LASP1: variants seen among roughly 807,000 people sequenced by gnomAD.
LASP1 encodes LIM and SH3 domain protein 1.
LASP1 carries 10 observed loss-of-function variants against 38.6 expected under a neutral mutation model. The ratio of observed to expected loss-of-function variants is 0.26; its 90% CI spans 0.16 to 0.44. The LOEUF (loss-of-function observed/expected upper bound fraction) is 0.44. LASP1 is among the 20% of genes least tolerant of loss of function. The pLI is 1.00. For missense variants in LASP1, 243 were observed against 375.7 expected (o/e 0.65, Z 2.92); for synonymous variants, 132 against 140.8 (o/e 0.94, Z 0.44).
At chr17:38,888,401 C>T (rs542516396) in intron 2 of LASP1, among the ~76,000 whole-genome samples, 2 of 152,236 alleles carry the variant, frequency 1.3e-5, no homozygotes, top group African/African-American at 4.8e-5. Context: ...CCTCAGCCTC[C>T]TGAGTAGCTG....
chr17:38,902,234 T>TC, intron 4 of LASP1, among the ~76,000 whole-genome samples: 1 of 151,810 alleles, frequency 6.6e-6, no homozygotes, highest in East Asian at 1.9e-4. Context: ...CTAATTTTTC[T>TC]TTTTTTTGCA....
chr17:38,896,301 A>G (rs563506410), intron 3 of LASP1, among the ~76,000 whole-genome samples: 50 of 152,218 alleles, frequency 3.3e-4, no homozygotes, highest in Non-Finnish European at 5.9e-4. Context: ...GATTTTAGAG[A>G]TCAGCTAGCC....
At chr17:38,913,670 G>A (rs532317020) in intron 4 of LASP1, among the ~76,000 whole-genome samples, 15 of 152,198 alleles carry the variant, frequency 9.9e-5, no homozygotes, top group African/African-American at 3.6e-4. Context: ...GGACCCAGGC[G>A]GAAACAGAGC....
rs1375072883 is a variant in LASP1 at position 38,918,350 on chromosome 17, G to A, written c.613-255G>A. ...CCTTACTGCAGTCCTGTTCAGGGAG[G>A]TGGGGCAGAGCTGATGTGACCCGGT... On this transcript the variant is annotated intron_variant, in intron 6 of 6. Transcript: ENST00000318008. This position sits in a 1 kb window ranked among gnomAD's most constrained non-coding sequence, Gnocchi z 4.4. Among the ~76,000 whole-genome samples, 2 of 152,178 alleles carry A rather than the reference G, an allele frequency of 1.3e-5. No individual in the cohort carries two copies. Among genetic ancestry groups the A allele is most frequent in the East Asian group, 3.9e-4 (2 of 5,184 alleles).
intron 1 of LASP1, among the ~76,000 whole-genome samples, chr17:38,877,691 A>AG (rs2143733220): frequency 1.3e-5 from 2 of 152,226 alleles, no homozygotes; most frequent in South Asian, 4.1e-4. Context: ...CTTCATGTTC[A>AG]GCGGCTGCTC....
chr17:38,918,649 C>T lies in LASP1; in HGVS notation c.657C>T (p.Asp219=), dbSNP rs940196379. 1.9e-6 allele frequency: 3 copies of T among 1,611,632 alleles called. No individual in the cohort carries two copies. The highest frequency in any genetic ancestry group is 2.5e-6 in the Non-Finnish European group (3 of 1,178,404). The change falls in exon 7 of 7, where the codon GAC becomes GAT. Residue 219 remains aspartate (D), a synonymous_variant. Coordinates refer to ENST00000318008, the MANE Select transcript of LASP1 (RefSeq NM_006148.4). This position sits in a 1 kb window ranked among gnomAD's most constrained non-coding sequence, Gnocchi z 4.4. ...ATGACTACAGCGCCGCCGACGAGGACGAGGTCTCCTTCCAGGACGGGGACA... is the reference window on the plus strand; with the variant it reads ...ATGACTACAGCGCCGCCGACGAGGATGAGGTCTCCTTCCAGGACGGGGACA... ...AVYDYSAADE[D]EVSFQDGDTI...
At chr17:38,870,428 CAGG>C (rs544833805) in intron 1 of LASP1, among the ~76,000 whole-genome samples, 170 bp downstream of exon 1, 128 of 152,344 alleles carry the variant, frequency 8.4e-4, no homozygotes, top group African/African-American at 2.9e-3. Flanking sequence ...GTCTGAAAAC[CAGG>C]AGATCTGGGG....
intron 4 of LASP1, chr17:38,904,521 A>C (rs1914726545): frequency 6.6e-6 from 1 of 151,500 alleles, no homozygotes; most frequent in African/African-American, 2.4e-5. Flanking sequence ...TGAACCCGGG[A>C]AGTGGAGGTT....
intron 3 of LASP1, among the ~76,000 whole-genome samples, chr17:38,892,148 G>C (rs556645239): frequency 5.3e-5 from 8 of 152,336 alleles, no homozygotes; most frequent in African/African-American, 1.9e-4. Context: ...TAGTTCCCCT[G>C]TTTATCCTTG....
At chr17:38,902,720 T>G (rs1007220199) in intron 4 of LASP1, among the ~76,000 whole-genome samples, 2 of 152,118 alleles carry the variant, frequency 1.3e-5, no homozygotes, top group African/African-American at 4.8e-5. Context: ...ATTTTATTTT[T>G]GAGATAGAGT....
intron 1 of LASP1, 129 bp from the exon 2 acceptor site, chr17:38,877,957 T>C (rs79081307): frequency 1.5e-5 from 10 of 668,354 alleles, no homozygotes; most frequent in Non-Finnish European, 2.7e-5. Flanking sequence ...CCTGGGATGA[T>C]TCCATGTTCT....
chr17:38,871,798 G>A (rs560402534), intron 1 of LASP1, among the ~76,000 whole-genome samples: 112 of 152,204 alleles, frequency 7.4e-4, no homozygotes, highest in African/African-American at 2.5e-3. Context: ...AGGAGAGGAG[G>A]GGGTATATTG....
intron 3 of LASP1, chr17:38,897,039 G>C (rs1386005240): frequency 1.0e-6 from 1 of 985,524 alleles, no homozygotes; most frequent in African/African-American, 1.7e-5. Context: ...TGCTGGCCCA[G>C]GGCTTCCAGG....
Position 38,920,332 on chromosome 17 carries a change from G to T in LASP1, c.*1554G>T. The T allele has an allele frequency of 2.7e-6, 1 of 374,528 alleles. No homozygotes were observed. Among genetic ancestry groups the T allele is most frequent in the South Asian group, 3.1e-5 (1 of 31,828 alleles). 23.2% of individuals were successfully genotyped at this position (374,528 alleles called of 1,614,324 possible). On this transcript the variant is annotated 3_prime_UTR_variant, in exon 7 of 7. Transcript: ENST00000318008. The stretch of plus-strand genomic sequence containing the variant: ...CTCACTTACATAAAGCTCCCTTGAA[G>T]CAAGAAAGAGGGTCCCAGGGCTGCA...
chr17:38,918,849 T>C lies in LASP1; in HGVS notation c.*71T>C. ...ATCCGTCCTGGGCGTGACCCGTCCA[T>C]TCTTCAGTGTCTCTGTTTTTTAAAA... On this transcript the variant is annotated 3_prime_UTR_variant, in exon 7 of 7. Transcript: ENST00000318008. The surrounding 1 kb of genome is among the most constrained non-coding windows in gnomAD (Gnocchi z 4.4). 3 of 1,517,622 alleles carry C rather than the reference T, an allele frequency of 2.0e-6. No homozygotes were observed. The highest frequency in any genetic ancestry group is 2.7e-6 in the Non-Finnish European group (3 of 1,110,344). The allele number at this position is 1,517,622 out of a possible 1,614,324, so 94.0% of individuals were successfully genotyped here.
At chr17:38,906,527 AAAATAAATAAATAAAT>A (rs60650093) in intron 4 of LASP1, among the ~76,000 whole-genome samples, 1 of 151,118 alleles carries the variant, frequency 6.6e-6, no homozygotes, top group African/African-American at 2.4e-5. Flanking sequence ...AGACTGTCTC[AAAATAAATAAATAAAT>A]AAATAAATAA....
At chr17:38,889,276 G>A (rs545015326) in intron 2 of LASP1, among the ~76,000 whole-genome samples, 4 of 152,116 alleles carry the variant, frequency 2.6e-5, no homozygotes, top group Non-Finnish European at 5.9e-5. Flanking sequence ...GACTATAGGC[G>A]CACGCCATCA....
At chr17:38,884,405 G>A (rs1487778484) in intron 2 of LASP1, among the ~76,000 whole-genome samples, 1 of 131,376 alleles carries the variant, frequency 7.6e-6, no homozygotes, top group East Asian at 2.2e-4. Context: ...TTTATTTTTT[G>A]AGACAGAGTT....
rs1219283421 is a variant in LASP1 at position 38,882,343 on chromosome 17, G to A, written c.164+4163G>A. ...GCTCACTACAACCTCTGCCTCCCAG[G>A]TTCAAGCGATTCTCCTGCCTCAGCC... On this transcript the variant is annotated intron_variant, in intron 2 of 6. Transcript: ENST00000318008. Among the ~76,000 whole-genome samples, 4 of 152,342 alleles carry A rather than the reference G, an allele frequency of 2.6e-5. No individual in the cohort carries two copies. The East Asian group carries it at 7.7e-4, about 29-fold the overall frequency.
Sources: gnomAD v4.1 joint callset for allele counts (sites outside exome capture counted in the v4.1 genomes callset) on GRCh38, gnomAD v4.1.1 for gene constraint, Gnocchi (gnomAD v3.1) non-coding constraint, MANE v1.5 for transcripts, NCBI Gene and HGNC (gene_info 2026-07-23, HGNC 2026-07-21) for gene names.